Variants in CSMD1 observed in about 807,000 individuals in gnomAD.
CSMD1 encodes the protein CUB and Sushi multiple domains 1, also known as CUB and sushi domain-containing protein 1.
In CSMD1, 213 loss-of-function variants were observed where a neutral mutation model predicts 417.5. That is an observed-to-expected ratio of 0.51 (90% confidence interval 0.46 to 0.57). CSMD1 has a LOEUF of 0.57. Ranked by LOEUF, CSMD1 falls within the 20% of genes least tolerant of loss-of-function variation. The pLI is 0.00. For missense variants in CSMD1, 6,923 were observed against 4,529.7 expected, an observed-to-expected ratio of 1.53 and a Z score of -15.17; for synonymous variants, 2,862 against 1,736.8, an observed-to-expected ratio of 1.65 and a Z score of -16.11.
At chr8:4,304,021 G>C (rs1007596923) in intron 3 of CSMD1, among the ~76,000 whole-genome samples, 8 of 152,102 alleles carry the variant, frequency 5.3e-5, no homozygotes, top group Non-Finnish European at 1.2e-4. Flanking sequence ...GTCCATAAAA[G>C]AACCAAGAAA....
intron 2 of CSMD1, among the ~76,000 whole-genome samples, chr8:4,443,351 C>T (rs531922427): frequency 2.8e-4 from 43 of 152,348 alleles, no homozygotes; most frequent in African/African-American, 1.0e-3. Flanking sequence ...TGCATACACA[C>T]TGGTCTTTGA....
intron 1 of CSMD1, among the ~76,000 whole-genome samples, chr8:4,943,646 G>A (rs75778595): frequency 0.039 from 5,929 of 152,188 alleles, 149 homozygotes; most frequent in Non-Finnish European, 0.059. Flanking sequence ...ATACTATGTT[G>A]TCCAAGTTAT....
intron 5 of CSMD1, among the ~76,000 whole-genome samples, chr8:3,939,709 C>G (rs1585001874): frequency 6.6e-6 from 1 of 152,072 alleles, no homozygotes; most frequent in Non-Finnish European, 1.5e-5. Flanking sequence ...AAAACAGTGC[C>G]TTTTGCAGCA....
chr8:4,810,146 T>C (rs1176565865), intron 1 of CSMD1, among the ~76,000 whole-genome samples: 2 of 152,220 alleles, frequency 1.3e-5, no homozygotes, highest in African/African-American at 4.8e-5. Context: ...TACCATTTTA[T>C]ATAATTCTAA....
chr8:3,760,994 A>C (rs1399320982), intron 5 of CSMD1, among the ~76,000 whole-genome samples: 4 of 152,062 alleles, frequency 2.6e-5, no homozygotes, highest in Admixed American at 2.0e-4. Flanking sequence ...CATGCAATCC[A>C]AATGATTTGT....
chr8:4,605,433 A>G (rs1800814474), intron 2 of CSMD1, among the ~76,000 whole-genome samples: 1 of 152,222 alleles, frequency 6.6e-6, no homozygotes, highest in Admixed American at 6.5e-5. Context: ...GAATGAGACT[A>G]TAATGGTCCC....
chr8:4,065,393 A>C (rs534197606), intron 3 of CSMD1, among the ~76,000 whole-genome samples: 1 of 152,348 alleles, frequency 6.6e-6, no homozygotes, highest in South Asian at 2.1e-4. Context: ...CTACAGTCTT[A>C]AAAATTTTTC....
intron 5 of CSMD1, among the ~76,000 whole-genome samples, chr8:3,959,428 G>A (rs894606738): frequency 2.0e-5 from 3 of 152,198 alleles, no homozygotes; most frequent in African/African-American, 7.2e-5. Context: ...GAACCTGGGA[G>A]GTGGAGGTTG....
chr8:4,094,007 TAGATA>T, intron 3 of CSMD1, among the ~76,000 whole-genome samples: 1 of 151,062 alleles, frequency 6.6e-6, no homozygotes, highest in East Asian at 2.0e-4. Flanking sequence ...GATAGATAGA[TAGATA>T]AAGAAAAAAG....
intron 41 of CSMD1, among the ~76,000 whole-genome samples, chr8:3,130,695 C>T (rs1036557908): frequency 6.6e-6 from 1 of 151,928 alleles, no homozygotes; most frequent in Non-Finnish European, 1.5e-5. Context: ...AGCCATGTCT[C>T]CTTCCAGTCC....
intron 2 of CSMD1, among the ~76,000 whole-genome samples, chr8:4,532,087 T>G (rs112542165): frequency 6.8e-6 from 1 of 146,768 alleles, no homozygotes; most frequent in Admixed American, 6.8e-5. Context: ...ACAGTCACTC[T>G]GGAAGAGAAA....
chr8:3,317,913 C>A (rs547009523), intron 23 of CSMD1, among the ~76,000 whole-genome samples: 1 of 152,156 alleles, frequency 6.6e-6, no homozygotes, highest in Non-Finnish European at 1.5e-5. Flanking sequence ...CAGGCTCAAG[C>A]GATCCTCCCA....
At chr8:4,346,337 C>T (rs1001756118) in intron 3 of CSMD1, among the ~76,000 whole-genome samples, 1 of 152,146 alleles carries the variant, frequency 6.6e-6, no homozygotes, top group Non-Finnish European at 1.5e-5. Context: ...TACTGGAAAG[C>T]AGCCATGCCC....
intron 7 of CSMD1, among the ~76,000 whole-genome samples, chr8:3,644,287 A>T (rs550367376): frequency 6.6e-6 from 1 of 152,358 alleles, no homozygotes; most frequent in South Asian, 2.1e-4. Flanking sequence ...TTTAAACAAC[A>T]ACACTGCCTG....
chr8:3,047,049 A>C (rs1203905107), intron 50 of CSMD1, among the ~76,000 whole-genome samples: 7 of 151,962 alleles, frequency 4.6e-5, no homozygotes, highest in African/African-American at 1.7e-4. Flanking sequence ...CTCTTCTAAA[A>C]ATACAAAAAT....
At chr8:3,002,263 A>C (rs920709547) in intron 52 of CSMD1, among the ~76,000 whole-genome samples, 3 of 152,222 alleles carry the variant, frequency 2.0e-5, no homozygotes, top group African/African-American at 7.2e-5. Context: ...ACAGGCACAG[A>C]GGACATTGTC....
intron 1 of CSMD1, among the ~76,000 whole-genome samples, chr8:4,656,894 T>C (rs1383348563): frequency 6.6e-6 from 1 of 151,900 alleles, no homozygotes; most frequent in African/African-American, 2.4e-5. Flanking sequence ...ATCTTATCTG[T>C]CCTAATCCAT....
At chr8:4,796,189 G>A (rs1015691332) in intron 1 of CSMD1, among the ~76,000 whole-genome samples, 2 of 151,916 alleles carry the variant, frequency 1.3e-5, no homozygotes, top group Non-Finnish European at 2.9e-5. Context: ...AGAAAATGCA[G>A]GAAGACCAGC....
chr8:4,971,630 C>A (rs4342627), intron 1 of CSMD1, among the ~76,000 whole-genome samples: 100,524 of 151,266 alleles, frequency 0.66, 33,936 homozygotes, highest in Middle Eastern at 0.81. Flanking sequence ...ATGCATGCAT[C>A]AAAATGTATA....
Sources: gnomAD v4.1 joint callset for allele counts (sites outside exome capture counted in the v4.1 genomes callset) on GRCh38, gnomAD v4.1.1 for gene constraint, MANE v1.5 for transcripts, NCBI Gene and HGNC (gene_info 2026-07-23, HGNC 2026-07-21) for gene names.